PTGES2: variants seen among roughly 807,000 people sequenced by gnomAD.
PTGES2 encodes the protein GATE-binding factor 1.
Under a neutral mutation model 44.5 loss-of-function variants are expected in PTGES2, and 35 were observed. The ratio of observed to expected loss-of-function variants is 0.79; its 90% confidence interval spans 0.60 to 1.04. The LOEUF is 1.04. Among genes scored for constraint, PTGES2 ranks in the 50% least tolerant of loss-of-function variants. PTGES2 has a pLI of 0.00. For synonymous variants in PTGES2, 221 were observed against 227.5 expected, an observed-to-expected ratio of 0.97 and a Z score of 0.26; for missense variants, 517 against 521.4, an observed-to-expected ratio of 0.99 and a Z score of 0.08.
chr9:128,124,068 G>A (rs540602858), intron 3 of PTGES2, among the ~76,000 whole-genome samples: 1 of 152,174 alleles, frequency 6.6e-6, no homozygotes, highest in African/African-American at 2.4e-5. Flanking sequence ...GACGGCCACG[G>A]GCTACTCTGG....
intron 3 of PTGES2, 114 bp downstream of exon 3, chr9:128,124,378 A>T: frequency 1.1e-6 from 1 of 920,514 alleles, no homozygotes; most frequent in South Asian, 1.5e-5. Context: ...GCCACTCTGT[A>T]CTCTGGAAAT....
chr9:128,128,102 C>T (rs956101291), upstream of PTGES2: 28 of 364,772 alleles, frequency 7.7e-5, no homozygotes, highest in African/African-American at 2.6e-4. Flanking sequence ...TCCAGCCCTT[C>T]CTAGAGTCAG....
In PTGES2 at chr9:128,121,402, C is replaced by G. The variant is rs912624328; in HGVS notation, c.1006-129G>C. On this transcript the variant is annotated intron_variant, in intron 6 of 6. Coordinates refer to ENST00000338961, the MANE Select transcript of PTGES2 (RefSeq NM_025072.7). ...TGGAGCTCGTGACCCACTCAAGGGC[C>G]AACAGCACAGGTGAGGGTTTGAACA... 4.3e-6 allele frequency: 5 copies of G among 1,159,224 alleles called. No homozygotes were observed. The African/African-American group carries it at 6.2e-5, about 14-fold the overall frequency. 71.8% of individuals were successfully genotyped at this position (1,159,224 alleles called of 1,614,324 possible). A position where few individuals can be genotyped will look rare whatever the true frequency, so the allele number is the denominator to read the frequency against.
At chr9:128,122,250 G>A (rs1834437648) in intron 6 of PTGES2, 112 bp downstream of exon 6, 1 of 805,402 alleles carries the variant, frequency 1.2e-6, no homozygotes, top group African/African-American at 1.7e-5. Context: ...GGCAGAGAGA[G>A]GCAGGTTCCT....
At position 128,120,876 on chromosome 9, in the gene PTGES2, A is replaced by G. The variant is rs1205881017; in HGVS notation, c.*269T>C. The stretch of plus-strand genomic sequence containing the variant: ...CACAGGATGTAGCCATGGGACAGCC[A>G]CTGAGGGTCCAGGAAGAGGGGCGGC... On this transcript the variant is annotated 3_prime_UTR_variant, in exon 7 of 7. Transcript: ENST00000338961. 2.0e-6 allele frequency: 1 copy of G among 494,386 alleles called. No homozygotes were observed. Among genetic ancestry groups the G allele is most frequent in the African/African-American group, 2.0e-5 (1 of 50,192 alleles). 30.6% of individuals were successfully genotyped at this position (494,386 alleles called of 1,614,324 possible).
At chr9:128,127,372 C>A (rs2130858828) in intron 1 of PTGES2, 67 bp downstream of exon 1, 4 of 1,281,554 alleles carry the variant, frequency 3.1e-6, no homozygotes, top group East Asian at 3.0e-5. Flanking sequence ...CCTGACCCTG[C>A]GGGTTCCCAG....
rs2130849996 is a variant in PTGES2, at chr9:128,123,247, G to A, written c.687-113C>T. On this transcript the variant is annotated intron_variant, in intron 4 of 6. Transcript: ENST00000338961. This position sits in a 1 kb window ranked among gnomAD's most constrained non-coding sequence, Gnocchi z 4.4. ...CGGGAAGCTGAAGCCTGAGCAGGAAGGTCTTTTTTTTTTTTTTGAGACAAA... is the reference window on the plus strand; with the variant it reads ...CGGGAAGCTGAAGCCTGAGCAGGAAAGTCTTTTTTTTTTTTTTGAGACAAA... 2 of 924,962 alleles carry A rather than the reference G, an allele frequency of 2.2e-6. No homozygotes were observed. Among genetic ancestry groups the A allele is most frequent in the Non-Finnish European group, 3.1e-6 (2 of 654,286 alleles). The allele number at this position is 924,962 out of a possible 1,614,324, so 57.3% of individuals were successfully genotyped here.
upstream of PTGES2, chr9:128,128,283 C>A (rs1206420171): frequency 4.4e-6 from 2 of 455,950 alleles, no homozygotes; most frequent in Non-Finnish European, 4.4e-6. Context: ...TCTCTGATTT[C>A]GCCCACGCGA....
At chr9:128,125,091 G>T (rs1834566869) in intron 2 of PTGES2, among the ~76,000 whole-genome samples, 153 bp downstream of exon 2, 1 of 152,184 alleles carries the variant, frequency 6.6e-6, no homozygotes, top group Non-Finnish European at 1.5e-5. Context: ...TACATTTATT[G>T]AGCATCTACC....
chr9:128,127,663 C>T lies in PTGES2; in HGVS notation c.55G>A (p.Ala19Thr), dbSNP rs1834683738. The T allele has an allele frequency of 1.5e-6, 2 of 1,298,766 alleles. No homozygotes were observed. The highest frequency in any genetic ancestry group is 2.0e-6 in the Non-Finnish European group (2 of 1,023,530). 80.5% of individuals were successfully genotyped at this position (1,298,766 alleles called of 1,614,324 possible). A position where few individuals can be genotyped will look rare whatever the true frequency, so the allele number is the denominator to read the frequency against. ...TGGGGGCGGCCTCCCAGCCTCCAGG[C>T]CAAGGCGCACCCACCAGGCCACAGC... The part of the protein sequence containing the change: ...RALWPGGCAL[A>T]WRLGGRPQPL... The change falls in exon 1 of 7, where the codon GCC (alanine) becomes ACC (threonine). Residue 19 changes from alanine (A) to threonine (T), a missense_variant. Physicochemically the swap from Ala to Thr is moderately conservative, Grantham distance 58 (BLOSUM62 0). Coordinates refer to ENST00000338961, the MANE Select transcript of PTGES2 (RefSeq NM_025072.7).
chr9:128,125,147 A>AGTTCCTTCCCAGGCTGT, intron 2 of PTGES2, 97 bp downstream of exon 2: 1 of 1,136,398 alleles, frequency 8.8e-7, no homozygotes, highest in Non-Finnish European at 1.3e-6. Flanking sequence ...CAAGGATCAC[A>AGTTCCTTCCCAGGCTGT]AGTTCCTTCC....
At chr9:128,127,042 A>G (rs1006922029) in intron 1 of PTGES2, among the ~76,000 whole-genome samples, 3 of 149,472 alleles carry the variant, frequency 2.0e-5, no homozygotes, top group Non-Finnish European at 4.5e-5. Context: ...AGCAGGGCGC[A>G]GTGGGGTGAG....
intron 1 of PTGES2, among the ~76,000 whole-genome samples, chr9:128,126,359 C>T (rs896973732): frequency 2.6e-5 from 4 of 152,100 alleles, no homozygotes; most frequent in African/African-American, 9.7e-5. Context: ...TAGGGGGTCA[C>T]CACTTGGGGG....
intron 1 of PTGES2, among the ~76,000 whole-genome samples, chr9:128,126,881 C>G (rs1157358342): frequency 1.3e-5 from 2 of 150,290 alleles, no homozygotes; most frequent in African/African-American, 4.9e-5. Flanking sequence ...AAAAAGTCTC[C>G]TTAAAACATG....
At chr9:128,128,163 C>A (rs1264099559), upstream of PTGES2, 14 of 175,512 alleles carry the variant, frequency 8.0e-5, no homozygotes, top group Middle Eastern at 1.4e-3. Flanking sequence ...CGACCCGACC[C>A]GGCACCAGGT....
At chr9:128,127,948 G>C (rs533601995), upstream of PTGES2, 3 of 413,614 alleles carry the variant, frequency 7.3e-6, no homozygotes, top group South Asian at 1.8e-4. Context: ...CCATGCTTCC[G>C]CCTCCAAAGG....
Position 128,122,356 on chromosome 9 carries a change from A to C in PTGES2, c.1005+6T>G. Reference sequence around the variant, plus strand: ...TCCAGGCACCACCTGCCACCACCACACTCACCAAATCAGCGAGATTCGGCT... The same window carrying C: ...TCCAGGCACCACCTGCCACCACCACCCTCACCAAATCAGCGAGATTCGGCT... On this transcript the variant is annotated splice_donor_region_variant and intron_variant, in intron 6 of 6. Transcript: ENST00000338961. The C allele has an allele frequency of 6.2e-7, 1 of 1,611,248 alleles. No individual in the cohort carries two copies.
chr9:128,128,223 C>G (rs1251246045), upstream of PTGES2: 3 of 439,094 alleles, frequency 6.8e-6, no homozygotes, highest in Admixed American at 5.0e-5. Flanking sequence ...CCTACTGTGA[C>G]CCGAACCATA....
At chr9:128,126,405 G>A (rs1834618360) in intron 1 of PTGES2, among the ~76,000 whole-genome samples, 2 of 152,156 alleles carry the variant, frequency 1.3e-5, no homozygotes. Flanking sequence ...TCAGCCTGGA[G>A]TCTAAGTCAT....
Sources: allele counts gnomAD v4.1 joint callset (sites outside exome capture counted in the v4.1 genomes callset), GRCh38; gene constraint gnomAD v4.1.1; non-coding constraint Gnocchi (gnomAD v3.1); transcripts MANE v1.5; gene names NCBI Gene and HGNC (gene_info 2026-07-23, HGNC 2026-07-21).